Variants in SLC7A14 observed in about 807,000 individuals in gnomAD.
SLC7A14 encodes gamma-aminobutyric acid transporter SLC7A14.
Under a neutral mutation model 60.2 loss-of-function variants are expected in SLC7A14, and 37 were observed. The observed-to-expected ratio is 0.61, with a 90% CI of 0.47 to 0.81. The LOEUF is 0.81. SLC7A14 is among the 30% of genes least tolerant of loss of function. The pLI, the probability that SLC7A14 is intolerant of heterozygous loss-of-function variation, is 0.00. For missense variants in SLC7A14, 886 were observed against 982.7 expected, an observed-to-expected ratio of 0.90 and a Z score of 1.32; for synonymous variants, 399 against 395.8, an observed-to-expected ratio of 1.01 and a Z score of -0.10.
intron 2 of SLC7A14, among the ~76,000 whole-genome samples, chr3:170,506,461 G>C (rs1052067591): frequency 6.6e-6 from 1 of 152,174 alleles, no homozygotes; most frequent in African/African-American, 2.4e-5. Context: ...GGTACCGGGA[G>C]ATTCTCGATT....
At chr3:170,471,387 C>A (rs541813195) in intron 7 of SLC7A14, among the ~76,000 whole-genome samples, 86 of 152,242 alleles carry the variant, frequency 5.6e-4, no homozygotes, top group Admixed American at 1.8e-3. Flanking sequence ...CCTTCATGCT[C>A]CCTCCCCTGA....
intron 7 of SLC7A14, among the ~76,000 whole-genome samples, chr3:170,477,330 A>G (rs1711651254): frequency 6.6e-6 from 1 of 152,206 alleles, no homozygotes; most frequent in Admixed American, 6.5e-5. Flanking sequence ...TATTTCTCCA[A>G]TTCCAGTTAG....
chr3:170,566,221 A>C (rs1714782522), intron 1 of SLC7A14, among the ~76,000 whole-genome samples: 1 of 152,094 alleles, frequency 6.6e-6, no homozygotes, highest in South Asian at 2.1e-4. Context: ...AAGCATGCAA[A>C]GCTCATCTGG....
intron 2 of SLC7A14, among the ~76,000 whole-genome samples, chr3:170,516,238 C>T (rs2108288694): frequency 6.6e-6 from 1 of 152,338 alleles, no homozygotes; most frequent in Middle Eastern, 3.4e-3. Context: ...AACTTTACAA[C>T]ACCTTTCTCC....
intron 1 of SLC7A14, among the ~76,000 whole-genome samples, chr3:170,543,671 A>C (rs1235893251): frequency 6.6e-6 from 1 of 151,860 alleles, no homozygotes; most frequent in Non-Finnish European, 1.5e-5. Context: ...AACAAAAACA[A>C]AAAGAACCAC....
At chr3:170,531,487 A>G (rs546298991) in intron 1 of SLC7A14, among the ~76,000 whole-genome samples, 2 of 152,178 alleles carry the variant, frequency 1.3e-5, no homozygotes, top group South Asian at 4.2e-4. Flanking sequence ...AACCAAAAGC[A>G]AAGGTTGAGG....
chr3:170,471,692 T>C (rs896102321), intron 7 of SLC7A14, among the ~76,000 whole-genome samples: 19 of 152,204 alleles, frequency 1.2e-4, no homozygotes, highest in Non-Finnish European at 1.0e-4. Context: ...CATATACTTT[T>C]GTAAACTCTT....
In SLC7A14 at chr3:170,585,240, G is replaced by C. The variant is rs994808917; in HGVS notation, c.-153+671C>G. On this transcript the variant is annotated intron_variant, in intron 1 of 7. Coordinates refer to ENST00000231706, the MANE Select transcript of SLC7A14 (RefSeq NM_020949.3). The surrounding 1 kb of genome is among the most constrained non-coding windows in gnomAD (Gnocchi z 5.1). Reference sequence around the variant, plus strand: ...GCTGGGGCTGCCGGCTCTGGGCAGGGAGCTTCCCTGGACACCGCTCCCGTC... The same window carrying C: ...GCTGGGGCTGCCGGCTCTGGGCAGGCAGCTTCCCTGGACACCGCTCCCGTC... 6.6e-6 allele frequency among the ~76,000 whole-genome samples: 1 copy of C among 152,140 alleles called. No individual in the cohort carries two copies. The highest frequency in any genetic ancestry group is 1.5e-5 in the Non-Finnish European group (1 of 68,006).
At chr3:170,577,502 C>T (rs1016278584) in intron 1 of SLC7A14, among the ~76,000 whole-genome samples, 16 of 151,524 alleles carry the variant, frequency 1.1e-4, no homozygotes, top group African/African-American at 3.9e-4. Flanking sequence ...CCTGTAGTCC[C>T]AGCTACTCGG....
intron 7 of SLC7A14, among the ~76,000 whole-genome samples, chr3:170,478,895 G>A (rs1188475397): frequency 1.3e-5 from 2 of 152,040 alleles, no homozygotes; most frequent in Non-Finnish European, 2.9e-5. Flanking sequence ...AGGCTGAGGT[G>A]GGCAGATCAT....
chr3:170,572,833 G>A (rs1241708955), intron 1 of SLC7A14, among the ~76,000 whole-genome samples: 1 of 152,168 alleles, frequency 6.6e-6, no homozygotes, highest in Non-Finnish European at 1.5e-5. Flanking sequence ...AAAAGTCTTT[G>A]TGACTAGGAC....
At chr3:170,467,436 A>T in intron 7 of SLC7A14, 59 bp from the exon 8 acceptor site, 1 of 1,111,374 alleles carries the variant, frequency 9.0e-7, no homozygotes, top group Non-Finnish European at 1.1e-6. Context: ...TCCTGGGACT[A>T]GCAGAGAGAT....
chr3:170,472,097 G>A (rs1036675786), intron 7 of SLC7A14, among the ~76,000 whole-genome samples: 5 of 152,056 alleles, frequency 3.3e-5, no homozygotes, highest in African/African-American at 1.2e-4. Context: ...GGCTGGGCAC[G>A]GTGGCTCATG....
chr3:170,494,303 A>G (rs2108276286), intron 4 of SLC7A14, among the ~76,000 whole-genome samples: 1 of 152,370 alleles, frequency 6.6e-6, no homozygotes, highest in African/African-American at 2.4e-5. Flanking sequence ...AAAATGTTCA[A>G]TGTTGGGAAA....
At chr3:170,468,943 T>C (rs1739801421) in intron 7 of SLC7A14, among the ~76,000 whole-genome samples, 1 of 152,202 alleles carries the variant, frequency 6.6e-6, no homozygotes, top group Non-Finnish European at 1.5e-5. Context: ...GATTCTGATT[T>C]AATTAGTCTG....
chr3:170,483,373 C>G lies in SLC7A14; in HGVS notation c.1056G>C (p.Gly352=). Residue 352 remains glycine, a synonymous_variant, in exon 6 of 8, where the codon GGG becomes GGC. Coordinates refer to ENST00000231706, the MANE Select transcript of SLC7A14 (RefSeq NM_020949.3). The part of the protein sequence containing the change: ...SVAGLTVSLL[G]SLFPMPRVIY... ...TGACCCTCGGCATCGGGAAGAGGGA[C>G]CCCAGCAAGCTGACTGTCAGTCCTG... is the stretch of plus-strand genomic sequence containing the variant. The G allele has an allele frequency of 4.3e-6, 7 of 1,614,188 alleles. No homozygotes were observed. Among genetic ancestry groups the G allele is most frequent in the Non-Finnish European group, 5.1e-6 (6 of 1,180,046 alleles).
In SLC7A14 at chr3:170,481,151, G is replaced by C; in HGVS notation, c.1131C>G (p.Val377=). The C allele has an allele frequency of 2.5e-6, 4 of 1,613,214 alleles. No homozygotes were observed. Among genetic ancestry groups the C allele is most frequent in the Non-Finnish European group, 3.4e-6 (4 of 1,179,500 alleles). Reference sequence around the variant, plus strand: ...CCACTGGTGTCTCTGTGTAGGAGCTGACGTGAGCCAGGAACCTGGAGGGGC... The same window carrying C: ...CCACTGGTGTCTCTGTGTAGGAGCTCACGTGAGCCAGGAACCTGGAGGGGC... ...DGLLFRFLAH[V]SSYTETPVVA... The change falls in exon 7 of 8, where the codon GTC becomes GTG. Residue 377 remains valine (V), a synonymous_variant. Transcript: ENST00000231706.
At chr3:170,541,415 T>A (rs1052440360) in intron 1 of SLC7A14, among the ~76,000 whole-genome samples, 1 of 152,000 alleles carries the variant, frequency 6.6e-6, no homozygotes, top group Non-Finnish European at 1.5e-5. Context: ...CTGGGCAGCA[T>A]AGCAAGATCC....
At chr3:170,549,762 T>A (rs1385511822) in intron 1 of SLC7A14, among the ~76,000 whole-genome samples, 1 of 152,194 alleles carries the variant, frequency 6.6e-6, no homozygotes, top group Admixed American at 6.5e-5. Context: ...ATTTTACTTT[T>A]TTAACATAAG....
Sources: allele counts gnomAD v4.1 joint callset (sites outside exome capture counted in the v4.1 genomes callset), GRCh38; gene constraint gnomAD v4.1.1; non-coding constraint Gnocchi (gnomAD v3.1); transcripts MANE v1.5; gene names NCBI Gene and HGNC (gene_info 2026-07-23, HGNC 2026-07-21).